The following AP1G1 variants were observed in gnomAD, a reference collection of about 807,000 sequenced individuals.
AP1G1 encodes the protein adaptor related protein complex 1 subunit gamma 1.
AP1G1 carries 7 observed loss-of-function variants against 108.3 expected under a neutral mutation model. The ratio of observed to expected loss-of-function variants is 0.06; its 90% confidence interval spans 0.04 to 0.12. The LOEUF (loss-of-function observed/expected upper bound fraction) is 0.12, where lower values mean the gene tolerates loss of function less well. Among genes scored for constraint, AP1G1 ranks in the 10% least tolerant of loss-of-function variants. The pLI is 1.00. For missense variants in AP1G1, 756 were observed against 1,010.7 expected, an observed-to-expected ratio of 0.75 and a Z score of 3.42; for synonymous variants, 379 against 353.5, an observed-to-expected ratio of 1.07 and a Z score of -0.81.
rs2030615928 is a variant in AP1G1 at position 71,753,529 on chromosome 16, TCTCTG to T, written c.1284+299_1284+303del. 4 of 305,988 alleles carry T rather than the reference TCTCTG, an allele frequency of 1.3e-5. No homozygotes were observed. In the Admixed American group the frequency reaches 1.4e-4, roughly 11 times the overall value. 19.0% of individuals were successfully genotyped at this position (305,988 alleles called of 1,614,324 possible). Reference sequence around the variant, plus strand: ...CCGTATGGTACACTATTCCTCACGATCTCTGCATGGCTTGCACCTCATGTCTCTTA... The same window carrying T: ...CCGTATGGTACACTATTCCTCACGATCATGGCTTGCACCTCATGTCTCTTA... On this transcript the variant is annotated intron_variant, in intron 13 of 22. Transcript: ENST00000299980.
At chr16:71,795,174 C>T (rs2032543544) in intron 1 of AP1G1, among the ~76,000 whole-genome samples, 1 of 152,080 alleles carries the variant, frequency 6.6e-6, no homozygotes, top group Non-Finnish European at 1.5e-5. Flanking sequence ...TGTGCACTTT[C>T]AGCTACTGAC....
In AP1G1 at chr16:71,773,329, C is replaced by A. The variant is rs113235758; in HGVS notation, c.360G>T (p.Gly120=). The part of the protein sequence containing the change: ...DLNHSTQFVQ[G]LALCTLGCMG... ...TGCAGCCGAGGGTACAAAGTGCTAA[C>A]CCCTGTACGAATTGCGTGCTATGAT... Residue 120 remains glycine (G), a synonymous_variant, in exon 4 of 23, where the codon GGG becomes GGT. Coordinates refer to ENST00000299980, the MANE Select transcript of AP1G1 (RefSeq NM_001128.6). 83,351 of 1,568,152 alleles carry A rather than the reference C, an allele frequency of 0.053. 2,590 individuals carry two copies. Among genetic ancestry groups the A allele is most frequent in the Non-Finnish European group, 0.062 (72,340 of 1,165,042 alleles).
At chr16:71,765,124 T>G (rs2145471424) in intron 7 of AP1G1, among the ~76,000 whole-genome samples, 1 of 152,324 alleles carries the variant, frequency 6.6e-6, no homozygotes, top group African/African-American at 2.4e-5. Flanking sequence ...GCGGGCTACT[T>G]GAGTCCAGGA....
chr16:71,768,976 T>TAAAAAAAAAAAAA (rs1567652782), intron 6 of AP1G1, among the ~76,000 whole-genome samples: 2 of 32,254 alleles, frequency 6.2e-5, no homozygotes, highest in South Asian at 1.8e-3. Context: ...AAAAAAAAAA[T>TAAAAAAAAAAAAA]ACAAAAAAAA....
At chr16:71,784,590 G>A (rs1430547378) in intron 2 of AP1G1, among the ~76,000 whole-genome samples, 1 of 152,018 alleles carries the variant, frequency 6.6e-6, no homozygotes, top group Non-Finnish European at 1.5e-5. Flanking sequence ...ACAGAGTCTC[G>A]CTTTGTCGCC....
At chr16:71,805,770 C>T (rs1263515211) in intron 1 of AP1G1, among the ~76,000 whole-genome samples, 2 of 152,086 alleles carry the variant, frequency 1.3e-5, no homozygotes, top group African/African-American at 2.4e-5. Context: ...TGAGGTGGCT[C>T]ACACCTGTAA....
intron 21 of AP1G1, among the ~76,000 whole-genome samples, chr16:71,736,917 A>G (rs2045557377): frequency 6.6e-6 from 1 of 151,906 alleles, no homozygotes; most frequent in African/African-American, 2.4e-5. Flanking sequence ...TTAAGTTGAA[A>G]ATACATTATC....
At chr16:71,737,571 T>A (rs936801158) in intron 21 of AP1G1, among the ~76,000 whole-genome samples, 1 of 152,222 alleles carries the variant, frequency 6.6e-6, no homozygotes, top group Non-Finnish European at 1.5e-5. Context: ...AGGCGTGAGA[T>A]ACCGTGTCCA....
intron 22 of AP1G1, among the ~76,000 whole-genome samples, chr16:71,733,685 G>T (rs2045498127): frequency 6.6e-6 from 1 of 152,082 alleles, no homozygotes; most frequent in Non-Finnish European, 1.5e-5. Flanking sequence ...ACATTTTGCT[G>T]AGTCCTTTTC....
intron 13 of AP1G1, among the ~76,000 whole-genome samples, chr16:71,752,899 G>T (rs559114170): frequency 6.6e-6 from 1 of 152,150 alleles, no homozygotes; most frequent in East Asian, 1.9e-4. Context: ...CTTTCTTCAT[G>T]AATTGCTGGT....
At chr16:71,804,940 G>C (rs1008920774) in intron 1 of AP1G1, among the ~76,000 whole-genome samples, 2 of 152,108 alleles carry the variant, frequency 1.3e-5, no homozygotes, top group African/African-American at 4.8e-5. Flanking sequence ...CCTGGGAGGA[G>C]GTCGAGGCTG....
intron 1 of AP1G1, among the ~76,000 whole-genome samples, chr16:71,798,472 T>C (rs1038069973): frequency 2.0e-5 from 3 of 151,950 alleles, no homozygotes; most frequent in African/African-American, 4.8e-5. Context: ...GTGCTGGGAT[T>C]ACAGGCATGA....
Position 71,734,717 on chromosome 16 carries a change from A to T in AP1G1, c.2269-10T>A, listed in dbSNP as rs1214900164. 6.2e-7 allele frequency: 1 copy of T among 1,603,738 alleles called. No homozygotes were observed. Among genetic ancestry groups the T allele is most frequent in the South Asian group, 1.1e-5 (1 of 90,752 alleles). On this transcript the variant is annotated splice_polypyrimidine_tract_variant and intron_variant, in intron 21 of 22. Transcript: ENST00000299980. ...GCTGCAGCTGGAATGTCTAGGGGGG[A>T]ACAAAGGGCACTCTTCAGAAAAAGA...
intron 2 of AP1G1, 52 bp downstream of exon 2, chr16:71,789,227 A>T: frequency 6.6e-7 from 1 of 1,514,006 alleles, no homozygotes; most frequent in Non-Finnish European, 9.0e-7. Flanking sequence ...ACAATCCCTG[A>T]GCAACAATGT....
chr16:71,780,380 T>G (rs1249475894), intron 2 of AP1G1, among the ~76,000 whole-genome samples: 6 of 151,872 alleles, frequency 4.0e-5, no homozygotes, highest in Non-Finnish European at 7.4e-5. Flanking sequence ...TAGTCTCAAC[T>G]ACTCAGGAGG....
chr16:71,799,307 A>G (rs1001208685), intron 1 of AP1G1, among the ~76,000 whole-genome samples: 19 of 152,212 alleles, frequency 1.2e-4, no homozygotes, highest in African/African-American at 4.1e-4. Context: ...GACTACAGAA[A>G]TAAAAGCATC....
intron 1 of AP1G1, among the ~76,000 whole-genome samples, chr16:71,793,823 C>T (rs1176830201): frequency 6.6e-6 from 1 of 152,212 alleles, no homozygotes; most frequent in Admixed American, 6.5e-5. Flanking sequence ...GATCCTCCCA[C>T]CTCAGCTCCC....
intron 21 of AP1G1, among the ~76,000 whole-genome samples, chr16:71,735,872 G>A (rs1387151920): frequency 3.3e-5 from 5 of 150,130 alleles, no homozygotes; most frequent in South Asian, 2.1e-4. Context: ...GGCTGGGCAC[G>A]GTATTCCCAG....
chr16:71,774,814 A>T (rs2031713608), intron 2 of AP1G1, among the ~76,000 whole-genome samples: 1 of 151,154 alleles, frequency 6.6e-6, no homozygotes, highest in African/African-American at 2.4e-5. Context: ...TCTGCCTCCC[A>T]GGTTCAAGCC....
Sources: allele counts gnomAD v4.1 joint callset (sites outside exome capture counted in the v4.1 genomes callset), GRCh38; gene constraint gnomAD v4.1.1; transcripts MANE v1.5; gene names NCBI Gene and HGNC (gene_info 2026-07-23, HGNC 2026-07-21).